Variants in PRICKLE2 observed in about 807,000 individuals in gnomAD.
The protein encoded by PRICKLE2 is prickle-like protein 2.
In PRICKLE2, 21 loss-of-function variants were observed where a neutral mutation model predicts 81.4. That is an observed-to-expected ratio of 0.26 (90% CI 0.18 to 0.37). The LOEUF is 0.37. Among genes scored for constraint, PRICKLE2 ranks in the 10% least tolerant of loss-of-function variants. PRICKLE2 has a pLI of 1.00. For missense variants in PRICKLE2, 940 were observed against 1,109.0 expected, an observed-to-expected ratio of 0.85 and a Z score of 2.16; for synonymous variants, 456 against 421.5, an observed-to-expected ratio of 1.08 and a Z score of -1.00.
chr3:64,112,255 C>G (rs2076860009), intron 7 of PRICKLE2, among the ~76,000 whole-genome samples: 1 of 152,174 alleles, frequency 6.6e-6, no homozygotes, highest in Non-Finnish European at 1.5e-5. Context: ...GCATTTCCCA[C>G]TGGTCTCAGC....
intron 2 of PRICKLE2, among the ~76,000 whole-genome samples, chr3:64,170,454 T>C (rs555714198): frequency 1.6e-4 from 24 of 152,288 alleles, no homozygotes; most frequent in African/African-American, 5.8e-4. Flanking sequence ...GCTATTGCTG[T>C]GGCTACTTCT....
intron 1 of PRICKLE2, among the ~76,000 whole-genome samples, chr3:64,210,607 G>A (rs183001109): frequency 5.9e-5 from 9 of 152,274 alleles, no homozygotes; most frequent in Middle Eastern, 3.4e-3. Flanking sequence ...TTGGTACAGG[G>A]TAATTTTCAG....
chr3:64,255,183 T>C (rs2079508222), intron 2 of PRICKLE2, among the ~76,000 whole-genome samples: 1 of 152,212 alleles, frequency 6.6e-6, no homozygotes, highest in African/African-American at 2.4e-5. Flanking sequence ...TTTCATTCCA[T>C]GTCCCATGTC....
rs566319046 is a variant in PRICKLE2 at position 64,135,847 on chromosome 3, C to T, written c.1660+10983G>A. On this transcript the variant is annotated intron_variant, in intron 7 of 7. Transcript: ENST00000638394. ...CTAGGTTAAACAATCAAACACACAA[C>T]AAACCAAGCTATCTTGAAATTTTTT... 2.6e-5 allele frequency among the ~76,000 whole-genome samples: 4 copies of T among 152,280 alleles called. No individual in the cohort carries two copies. In the East Asian group the frequency reaches 7.7e-4, roughly 29 times the overall value.
chr3:64,227,810 T>A (rs1274339353), upstream of PRICKLE2, among the ~76,000 whole-genome samples: 1 of 152,204 alleles, frequency 6.6e-6, no homozygotes, highest in Non-Finnish European at 1.5e-5. Flanking sequence ...TTGGTAATAT[T>A]AATAGAAACA....
At chr3:64,266,917 G>A (rs1187678971) in intron 2 of PRICKLE2, among the ~76,000 whole-genome samples, 1 of 150,032 alleles carries the variant, frequency 6.7e-6, no homozygotes, top group Non-Finnish European at 1.5e-5. Context: ...ATTTTGGAAG[G>A]CATGTCTTCC....
intron 7 of PRICKLE2, chr3:64,101,608 C>G (rs932206624): frequency 1.3e-5 from 2 of 152,112 alleles, no homozygotes; most frequent in African/African-American, 4.8e-5. Flanking sequence ...ATTCACAAGT[C>G]CATGCTGATA....
chr3:64,147,567 C>G lies in PRICKLE2; in HGVS notation c.923G>C (p.Arg308Pro). The G allele has an allele frequency of 6.2e-7, 1 of 1,614,224 alleles. No homozygotes were observed. ...GGGGTCTTCCCCAGCACTGCAGGCC[C>G]GTGAGCAGAATATCTGGCCCTGCTT... ...LPKQGQIFCS[R>P]ACSAGEDPNG... The change falls in exon 7 of 8, where the codon CGG becomes CCG. Residue 308 changes from arginine to proline, a missense_variant. Around this residue, in one of 2 missense-constraint regions of PRICKLE2, gnomAD observed 670 missense variants for 717.2 expected, o/e 0.93. Transcript: ENST00000638394. This position sits in a 1 kb window ranked among gnomAD's most constrained non-coding sequence, Gnocchi z 5.0.
chr3:64,230,904 C>A (rs2079093087), intron 2 of PRICKLE2, among the ~76,000 whole-genome samples: 1 of 152,192 alleles, frequency 6.6e-6, no homozygotes, highest in African/African-American at 2.4e-5. Flanking sequence ...GGAAGGAGAG[C>A]TGCAAATATA....
chr3:64,244,111 T>C (rs770657174), intron 2 of PRICKLE2, among the ~76,000 whole-genome samples: 5 of 152,176 alleles, frequency 3.3e-5, no homozygotes, highest in Admixed American at 2.0e-4. Flanking sequence ...TTAACTTGCA[T>C]GGAATCAAAG....
intron 7 of PRICKLE2, among the ~76,000 whole-genome samples, chr3:64,138,389 CT>C (rs1161737009): frequency 2.0e-5 from 3 of 152,184 alleles, no homozygotes; most frequent in Non-Finnish European, 2.9e-5. Flanking sequence ...AATTCTGGTA[CT>C]TTTGGTGACA....
intron 4 of PRICKLE2, among the ~76,000 whole-genome samples, chr3:64,158,339 T>A (rs1273824774): frequency 6.6e-6 from 1 of 152,224 alleles, no homozygotes; most frequent in Non-Finnish European, 1.5e-5. Flanking sequence ...TGGGAACTCA[T>A]CCACGTGTGT....
chr3:64,197,289 C>T (rs1173770709), intron 2 of PRICKLE2, among the ~76,000 whole-genome samples: 1 of 152,062 alleles, frequency 6.6e-6, no homozygotes, highest in East Asian at 1.9e-4. Context: ...AATGGGATTG[C>T]TGGGTCAAAT....
chr3:64,108,770 A>C (rs950376570), intron 7 of PRICKLE2, among the ~76,000 whole-genome samples: 1 of 151,962 alleles, frequency 6.6e-6, no homozygotes, highest in Non-Finnish European at 1.5e-5. Context: ...GGGTGCTTCT[A>C]CTCCAGGAAA....
chr3:64,114,028 G>A lies in PRICKLE2; in HGVS notation c.1661-14103C>T, dbSNP rs895527719. Reference sequence around the variant, plus strand: ...TCCAGTGCAGTGGACTCCAAATGTCGCAGAGCCAGATAACAAAGCTGGGGC... The same window carrying A: ...TCCAGTGCAGTGGACTCCAAATGTCACAGAGCCAGATAACAAAGCTGGGGC... On this transcript the variant is annotated intron_variant, in intron 7 of 7. Transcript: ENST00000638394. 3.3e-5 allele frequency among the ~76,000 whole-genome samples: 5 copies of A among 152,206 alleles called. No individual in the cohort carries two copies. In the South Asian group the frequency reaches 6.2e-4, roughly 19 times the overall value.
At chr3:64,193,110 AT>A (rs1222399468) in intron 2 of PRICKLE2, among the ~76,000 whole-genome samples, 1 of 152,234 alleles carries the variant, frequency 6.6e-6, no homozygotes, top group Non-Finnish European at 1.5e-5. Context: ...ACCTCCAGAA[AT>A]TACGCTTATG....
Position 64,132,554 on chromosome 3 carries a change from C to T in PRICKLE2, c.1660+14276G>A, listed in dbSNP as rs140038228. ...CTAGTCTGATTTATTCACCAACGTA[C>T]ACTGGGCAACTAGCAGAGTGCCTGG... is the stretch of plus-strand genomic sequence containing the variant. On this transcript the variant is annotated intron_variant, in intron 7 of 7. Transcript: ENST00000638394. Among the ~76,000 whole-genome samples, 348 of 152,336 alleles carry T rather than the reference C, an allele frequency of 2.3e-3. 6 individuals carry two copies. In the East Asian group the frequency reaches 0.033, roughly 14 times the overall value.
At position 64,205,099 on chromosome 3, in the gene PRICKLE2, G is replaced by GT. The variant is rs1246745994; in HGVS notation, c.-40-6133dup. Among the ~76,000 whole-genome samples the GT allele has an allele frequency of 1.3e-4, 7 of 52,270 alleles. No individual in the cohort carries two copies. In the Admixed American group the frequency reaches 1.6e-3, roughly 12 times the overall value. The allele number at this position is 52,270 out of a possible 152,430, so 34.3% of individuals were successfully genotyped here. A position where few individuals can be genotyped will look rare whatever the true frequency, so the allele number is the denominator to read the frequency against. The stretch of plus-strand genomic sequence containing the variant: ...GAACCTGCTAGCAAAGCAGGATTTC[G>GT]TTAAAAAAAAAAAAAAACATACAAA... On this transcript the variant is annotated intron_variant, in intron 1 of 7. Transcript: ENST00000638394.
At chr3:64,206,751 A>C (rs903291002) in intron 1 of PRICKLE2, among the ~76,000 whole-genome samples, 1 of 152,256 alleles carries the variant, frequency 6.6e-6, no homozygotes, top group Non-Finnish European at 1.5e-5. Flanking sequence ...CAACATGGCT[A>C]TGCCCAAGGC....
Sources: gnomAD v4.1 joint callset for allele counts (sites outside exome capture counted in the v4.1 genomes callset) on GRCh38, gnomAD v4.1.1 for gene constraint, gnomAD v4.1.1 regional missense constraint, Gnocchi (gnomAD v3.1) non-coding constraint, MANE v1.5 for transcripts, NCBI Gene and HGNC (gene_info 2026-07-23, HGNC 2026-07-21) for gene names.